Variants in PCCA observed in about 807,000 individuals in gnomAD.
PCCA encodes the protein propionyl-CoA carboxylase subunit alpha.
In PCCA, 74 loss-of-function variants were observed where a neutral mutation model predicts 101.3. The ratio of observed to expected loss-of-function variants is 0.73; its 90% confidence interval spans 0.61 to 0.89. The LOEUF is 0.89. Ranked by LOEUF, PCCA falls within the 40% of genes least tolerant of loss-of-function variation. PCCA has a pLI of 0.00. For missense variants in PCCA, 891 were observed against 907.0 expected (o/e 0.98, Z 0.23); for synonymous variants, 294 against 313.6 (o/e 0.94, Z 0.66).
At chr13:100,515,307 A>C (rs2086751870) in intron 21 of PCCA, 120 bp from the exon 22 acceptor site, 1 of 854,456 alleles carries the variant, frequency 1.2e-6, no homozygotes, top group Non-Finnish European at 1.9e-6. Flanking sequence ...GAACCATTTG[A>C]ATTTAAGGCT....
intron 7 of PCCA, among the ~76,000 whole-genome samples, chr13:100,222,444 A>T (rs1036880497): frequency 5.3e-5 from 8 of 151,960 alleles, no homozygotes; most frequent in African/African-American, 1.9e-4. Flanking sequence ...GGCTGTACAT[A>T]TTTTTCTTTT....
At chr13:100,164,580 G>A (rs1409035466) in intron 6 of PCCA, among the ~76,000 whole-genome samples, 5 of 152,164 alleles carry the variant, frequency 3.3e-5, no homozygotes, top group Non-Finnish European at 7.3e-5. Context: ...CCCAATTCAT[G>A]TAATCAACTT....
At chr13:100,121,886 G>T (rs867587732) in intron 4 of PCCA, among the ~76,000 whole-genome samples, 11 of 152,182 alleles carry the variant, frequency 7.2e-5, no homozygotes, top group African/African-American at 2.7e-4. Flanking sequence ...TTAACTTCCA[G>T]AACAATGTTG....
chr13:100,523,745 A>G (rs2087491740), intron 22 of PCCA, among the ~76,000 whole-genome samples: 1 of 152,234 alleles, frequency 6.6e-6, no homozygotes, highest in Non-Finnish European at 1.5e-5. Context: ...ACTTTACACC[A>G]ATTAGACAGG....
chr13:100,454,871 CAAAT>C (rs2081593531), intron 21 of PCCA, among the ~76,000 whole-genome samples: 1 of 151,870 alleles, frequency 6.6e-6, no homozygotes, highest in Non-Finnish European at 1.5e-5. Context: ...TTCAGTAAAA[CAAAT>C]CTCATTACTT....
chr13:100,144,930 A>T (rs2052346490), intron 4 of PCCA, among the ~76,000 whole-genome samples: 1 of 152,244 alleles, frequency 6.6e-6, no homozygotes, highest in Admixed American at 6.5e-5. Flanking sequence ...ATGGCTGCAA[A>T]GATGGGAGCA....
rs1029700034 is a variant in PCCA at position 100,337,510 on chromosome 13, C to T, written c.1541-2647C>T. The stretch of plus-strand genomic sequence containing the variant: ...ATCAGGAGTAGCATTATGCTAAAAT[C>T]GTTGTAAGAATAGGTCAGTTATGAT... On this transcript the variant is annotated intron_variant, in intron 17 of 23. Coordinates refer to ENST00000376285, the MANE Select transcript of PCCA (RefSeq NM_000282.4). Among the ~76,000 whole-genome samples the T allele has an allele frequency of 3.9e-5, 6 of 152,258 alleles. No homozygotes were observed. In the East Asian group the frequency reaches 7.7e-4, roughly 20 times the overall value.
intron 19 of PCCA, among the ~76,000 whole-genome samples, chr13:100,423,216 C>G (rs2078941051): frequency 6.6e-6 from 1 of 152,126 alleles, no homozygotes. Flanking sequence ...AATGCCACCT[C>G]CACTCCACAT....
At chr13:100,481,400 A>G (rs2083915452) in intron 21 of PCCA, among the ~76,000 whole-genome samples, 1 of 152,100 alleles carries the variant, frequency 6.6e-6, no homozygotes, top group Non-Finnish European at 1.5e-5. Context: ...TCTACAAAAA[A>G]CACAAAAATT....
At chr13:100,494,189 AAAATAAATAAAT>A (rs3058405) in intron 21 of PCCA, among the ~76,000 whole-genome samples, 3 of 151,966 alleles carry the variant, frequency 2.0e-5, no homozygotes, top group South Asian at 2.1e-4. Context: ...TCTGTCTCAA[AAAATAAATAAAT>A]AAATAAATAA....
chr13:100,487,576 G>A (rs1596133983), intron 21 of PCCA, among the ~76,000 whole-genome samples: 2 of 152,260 alleles, frequency 1.3e-5, no homozygotes, highest in South Asian at 4.1e-4. Context: ...GTGGATGTCT[G>A]TTTTGAATCT....
intron 21 of PCCA, among the ~76,000 whole-genome samples, chr13:100,467,133 A>G (rs2082584600): frequency 6.6e-6 from 1 of 152,196 alleles, no homozygotes; most frequent in South Asian, 2.1e-4. Flanking sequence ...AGTGGTTTAT[A>G]TCAGAAGAGC....
rs576113180 is a variant in PCCA at position 100,302,835 on chromosome 13, A to T, written c.1210-89A>T. The stretch of plus-strand genomic sequence containing the variant: ...AATACCATATGTTGAAAATAGACCT[A>T]TAAATGGTTCTTCATTGTGTAAATA... On this transcript the variant is annotated intron_variant, in intron 13 of 23. Transcript: ENST00000376285. The T allele has an allele frequency of 2.6e-5, 21 of 810,446 alleles. No individual in the cohort carries two copies. The African/African-American group carries it at 3.2e-4, about 12-fold the overall frequency. The allele number at this position is 810,446 out of a possible 1,614,324, so 50.2% of individuals were successfully genotyped here. A position where few individuals can be genotyped will look rare whatever the true frequency, so the allele number is the denominator to read the frequency against.
At chr13:100,102,796 T>A in intron 1 of PCCA, 87 bp from the exon 2 acceptor site, 1 of 868,534 alleles carries the variant, frequency 1.2e-6, no homozygotes, top group Non-Finnish European at 2.0e-6. Flanking sequence ...ACACGTTCGC[T>A]AGAACCTAAC....
chr13:100,369,490 C>G (rs1430867664), intron 19 of PCCA, among the ~76,000 whole-genome samples: 1 of 152,140 alleles, frequency 6.6e-6, no homozygotes, highest in Non-Finnish European at 1.5e-5. Context: ...TTCATTCATT[C>G]CACAAATAAT....
rs2047336070 is a variant in PCCA, at chr13:100,102,092, CTCTGTCTCTG to C, written c.106-781_106-772del. Among the ~76,000 whole-genome samples the C allele has an allele frequency of 2.0e-5, 3 of 151,940 alleles. No homozygotes were observed. In the South Asian group the frequency reaches 6.2e-4, roughly 32 times the overall value. Reference sequence around the variant, plus strand: ...AACAGTGACTACTGGGAAGTTCTCTCTCTGTCTCTGTCTGTCTCTCTGTATCTCTCTATCT... The same window carrying C: ...AACAGTGACTACTGGGAAGTTCTCTCTCTGTCTCTCTGTATCTCTCTATCT... On this transcript the variant is annotated intron_variant, in intron 1 of 23. Coordinates refer to ENST00000376285, the MANE Select transcript of PCCA (RefSeq NM_000282.4).
intron 6 of PCCA, among the ~76,000 whole-genome samples, chr13:100,183,605 G>A (rs9585371): frequency 0.032 from 4,797 of 152,208 alleles, 247 homozygotes; most frequent in African/African-American, 0.11. Flanking sequence ...CTTGAAGATA[G>A]GTAGTGTTTA....
At chr13:100,377,703 C>T (rs1390192281) in intron 19 of PCCA, among the ~76,000 whole-genome samples, 1 of 152,012 alleles carries the variant, frequency 6.6e-6, no homozygotes, top group African/African-American at 2.4e-5. Flanking sequence ...ACCGTGTTAG[C>T]CAGGATGGTC....
chr13:100,348,658 A>C (rs2072636476), intron 18 of PCCA, among the ~76,000 whole-genome samples: 2 of 152,012 alleles, frequency 1.3e-5, no homozygotes, highest in Admixed American at 1.3e-4. Flanking sequence ...TTTTTGCTCA[A>C]AATGTCTGTT....
Sources: allele counts gnomAD v4.1 joint callset (sites outside exome capture counted in the v4.1 genomes callset), GRCh38; gene constraint gnomAD v4.1.1; transcripts MANE v1.5; gene names NCBI Gene and HGNC (gene_info 2026-07-23, HGNC 2026-07-21).